Variants in MCTP1 observed in about 807,000 individuals in gnomAD.
The protein encoded by MCTP1 is multiple C2 and transmembrane domain-containing protein 1.
Under a neutral mutation model 120.6 loss-of-function variants are expected in MCTP1, and 69 were observed. The observed-to-expected ratio is 0.57, with a 90% CI of 0.47 to 0.70. MCTP1 has a LOEUF of 0.70. Among genes scored for constraint, MCTP1 ranks in the 30% least tolerant of loss-of-function variants. The pLI, the probability that MCTP1 is intolerant of heterozygous loss-of-function variation, is 0.00. For missense variants in MCTP1, 1,203 were observed against 1,248.8 expected, an observed-to-expected ratio of 0.96 and a Z score of 0.55; for synonymous variants, 529 against 493.1, an observed-to-expected ratio of 1.07 and a Z score of -0.96.
At chr5:95,190,467 C>T (rs1417781213) in intron 1 of MCTP1, among the ~76,000 whole-genome samples, 2 of 152,024 alleles carry the variant, frequency 1.3e-5, no homozygotes, top group African/African-American at 4.8e-5. Flanking sequence ...TTTCTTTCTG[C>T]TAAACCTCTC....
chr5:94,711,328 A>G (rs1308785621), intron 20 of MCTP1, among the ~76,000 whole-genome samples: 1 of 152,130 alleles, frequency 6.6e-6, no homozygotes, highest in Non-Finnish European at 1.5e-5. Flanking sequence ...ATCAACTCTC[A>G]GTATTCCCCA....
At chr5:94,845,651 T>G (rs769624549) in intron 17 of MCTP1, among the ~76,000 whole-genome samples, 1 of 152,046 alleles carries the variant, frequency 6.6e-6, no homozygotes, top group Non-Finnish European at 1.5e-5. Context: ...CTCAAACAAT[T>G]CTCCCACCTC....
At chr5:95,023,418 G>C (rs1838580369) in intron 1 of MCTP1, among the ~76,000 whole-genome samples, 1 of 152,236 alleles carries the variant, frequency 6.6e-6, no homozygotes, top group Admixed American at 6.5e-5. Context: ...AGTTTGAAGA[G>C]ATTCTATCAA....
chr5:95,248,040 T>C lies in MCTP1; in HGVS notation c.720+35816A>G, dbSNP rs1756996947. Among the ~76,000 whole-genome samples the C allele has an allele frequency of 3.3e-5, 5 of 152,174 alleles. No homozygotes were observed. In the South Asian group the frequency reaches 1.0e-3, roughly 31 times the overall value. ...ACATATCTCAAAATAATAAGAGCTA[T>C]TTATGACAAAACTACAGCCAATATT... On this transcript the variant is annotated intron_variant, in intron 1 of 22. Transcript: ENST00000515393.
At chr5:94,927,707 AT>A (rs1447792298) in intron 6 of MCTP1, among the ~76,000 whole-genome samples, 9 of 152,194 alleles carry the variant, frequency 5.9e-5, no homozygotes, top group African/African-American at 2.2e-4. Context: ...CGTTAGTTAA[AT>A]TAAAGCACTT....
chr5:94,922,790 T>A (rs1812013287), intron 7 of MCTP1, among the ~76,000 whole-genome samples: 1 of 152,038 alleles, frequency 6.6e-6, no homozygotes, highest in African/African-American at 2.4e-5. Context: ...GCCCGGCCAG[T>A]GAAATAATTT....
chr5:94,829,023 A>C (rs1455142264), intron 17 of MCTP1, among the ~76,000 whole-genome samples: 2 of 152,206 alleles, frequency 1.3e-5, no homozygotes, highest in African/African-American at 4.8e-5. Context: ...ACAAAAAAAA[A>C]ACTCCTGCAG....
At chr5:94,923,910 G>T in intron 7 of MCTP1, 52 bp downstream of exon 7, 1 of 1,112,788 alleles carries the variant, frequency 9.0e-7, no homozygotes, top group Non-Finnish European at 1.3e-6. Flanking sequence ...TTTCAAAATT[G>T]CTATCCAAAA....
At chr5:95,042,712 T>C (rs1842553173) in intron 1 of MCTP1, among the ~76,000 whole-genome samples, 2 of 152,198 alleles carry the variant, frequency 1.3e-5, no homozygotes, top group Non-Finnish European at 2.9e-5. Flanking sequence ...TTACAGAATG[T>C]ACAGCTATAG....
chr5:94,990,290 T>G (rs1831280189), intron 2 of MCTP1, among the ~76,000 whole-genome samples: 1 of 152,220 alleles, frequency 6.6e-6, no homozygotes, highest in Non-Finnish European at 1.5e-5. Context: ...TCCCACACAT[T>G]TGGTGTCAGA....
intron 1 of MCTP1, among the ~76,000 whole-genome samples, chr5:95,070,034 C>A (rs1002558865): frequency 6.6e-6 from 1 of 152,164 alleles, no homozygotes; most frequent in African/African-American, 2.4e-5. Context: ...CTGCCAGCAG[C>A]TTGGAAATTA....
In MCTP1 at chr5:94,775,183, A is replaced by G. The variant is rs148636360; in HGVS notation, c.2610+3927T>C. On this transcript the variant is annotated intron_variant, in intron 19 of 22. Coordinates refer to ENST00000515393, the MANE Select transcript of MCTP1 (RefSeq NM_024717.7). ...AAGCAATGTAAGCATAAATGGCTGA[A>G]TATTTTAATATCTTTTATCAATAAA... Among the ~76,000 whole-genome samples the G allele has an allele frequency of 6.8e-3, 1,037 of 152,350 alleles. 5 individuals are homozygous for G. Among genetic ancestry groups the G allele is most frequent in the Non-Finnish European group, 0.012 (805 of 68,034 alleles).
At chr5:94,748,081 ACT>A (rs1350044438) in intron 19 of MCTP1, among the ~76,000 whole-genome samples, 1 of 152,044 alleles carries the variant, frequency 6.6e-6, no homozygotes, top group African/African-American at 2.4e-5. Context: ...CAAGAGTGCA[ACT>A]CTGTCTCAAG....
intron 1 of MCTP1, among the ~76,000 whole-genome samples, chr5:95,232,313 G>A (rs1755054759): frequency 6.6e-6 from 1 of 151,854 alleles, no homozygotes; most frequent in African/African-American, 2.4e-5. Context: ...ATAGGATAAT[G>A]ATGATAATAG....
chr5:95,072,870 C>T (rs1415806898), intron 1 of MCTP1, among the ~76,000 whole-genome samples: 1 of 151,604 alleles, frequency 6.6e-6, no homozygotes, highest in Non-Finnish European at 1.5e-5. Context: ...CTCAGCCTCC[C>T]GATTAGCTGG....
rs776849586 is a variant in MCTP1 at position 94,868,351 on chromosome 5, C to A, written c.2418G>T (p.Arg806Ser). The change falls in exon 17 of 23, where the codon AGG (arginine) becomes AGT (serine). Residue 806 changes from arginine to serine, a missense_variant. Transcript: ENST00000515393. The part of the protein sequence containing the change: ...NSCFDWDSPP[R>S]SLAAFVLFLF... ...ATCATACCACAAAAGCAGCGAGACT[C>A]CTTGGGGGTGAATCCCAATCAAAGC... The A allele has an allele frequency of 6.2e-7, 1 of 1,604,234 alleles. No homozygotes were observed. The highest frequency in any genetic ancestry group is 2.3e-5 in the East Asian group (1 of 44,320).
At chr5:95,239,039 C>T (rs1483909183) in intron 1 of MCTP1, among the ~76,000 whole-genome samples, 1 of 152,162 alleles carries the variant, frequency 6.6e-6, no homozygotes, top group Non-Finnish European at 1.5e-5. Context: ...AACTGTACCA[C>T]CCAAAACAGA....
At chr5:94,779,894 T>C (rs571430862) in intron 18 of MCTP1, among the ~76,000 whole-genome samples, 8 of 152,300 alleles carry the variant, frequency 5.3e-5, no homozygotes, top group East Asian at 3.9e-4. Context: ...CTCAGCAGAA[T>C]GGAACAGTCA....
intron 1 of MCTP1, among the ~76,000 whole-genome samples, chr5:95,156,585 T>A (rs1745153740): frequency 6.6e-6 from 1 of 152,094 alleles, no homozygotes; most frequent in African/African-American, 2.4e-5. Flanking sequence ...AAAGCTCTCA[T>A]CTGCTTTCTT....
Sources: gnomAD v4.1 joint callset for allele counts (sites outside exome capture counted in the v4.1 genomes callset) on GRCh38, gnomAD v4.1.1 for gene constraint, MANE v1.5 for transcripts, NCBI Gene and HGNC (gene_info 2026-07-23, HGNC 2026-07-21) for gene names.